Variants in ERP44 observed in about 807,000 individuals in gnomAD.
ERP44 encodes endoplasmic reticulum resident protein 44.
A neutral mutation model predicts 53.4 loss-of-function variants in ERP44; 25 were observed. The observed-to-expected ratio is 0.47, with a 90% CI of 0.34 to 0.65. The LOEUF is 0.65. ERP44 is among the 30% of genes least tolerant of loss of function. The probability of loss-of-function intolerance (pLI) is 0.01; values close to 1 mark genes in which losing one functional copy is unlikely to be tolerated. For synonymous variants in ERP44, 145 were observed against 161.2 expected, an observed-to-expected ratio of 0.90 and a Z score of 0.76; for missense variants, 338 against 493.2, an observed-to-expected ratio of 0.69 and a Z score of 2.98.
Position 100,068,780 on chromosome 9 carries a change from C to T in ERP44, c.58-8608G>A, listed in dbSNP as rs1004852111. On this transcript the variant is annotated intron_variant, in intron 1 of 11. Coordinates refer to ENST00000262455, the MANE Select transcript of ERP44 (RefSeq NM_015051.3). ...CCCTCTGCCCGGCCAGCCGCCCCGT[C>T]TGGGAGGTGTACCCAACAGCTCACT... 1.2e-3 allele frequency among the ~76,000 whole-genome samples: 189 copies of T among 152,218 alleles called. 1 individual carries two copies. Among genetic ancestry groups the T allele is most frequent in the African/African-American group, 4.4e-3 (182 of 41,538 alleles).
intron 3 of ERP44, among the ~76,000 whole-genome samples, chr9:100,054,080 A>G (rs989198978): frequency 1.3e-5 from 2 of 152,244 alleles, no homozygotes; most frequent in African/African-American, 4.8e-5. Context: ...AAGGAGACAC[A>G]TCTGTATCTT....
chr9:100,058,846 G>C (rs889852020), intron 2 of ERP44, among the ~76,000 whole-genome samples: 4 of 152,194 alleles, frequency 2.6e-5, no homozygotes, highest in African/African-American at 9.7e-5. Context: ...AATGACATGT[G>C]AGTTTCAATT....
intron 1 of ERP44, among the ~76,000 whole-genome samples, chr9:100,074,917 T>C (rs1438643088): frequency 3.9e-5 from 6 of 152,174 alleles, no homozygotes; most frequent in Non-Finnish European, 8.8e-5. Flanking sequence ...GGTGCCAGAA[T>C]GCCTAATTGG....
At chr9:100,098,386 C>A (rs1419063136) in intron 1 of ERP44, among the ~76,000 whole-genome samples, 1 of 152,122 alleles carries the variant, frequency 6.6e-6, no homozygotes, top group East Asian at 1.9e-4. Context: ...TCACACAACC[C>A]CAGCACCTGT....
In ERP44 at chr9:100,043,291, A is replaced by AAAAAAAAAAAAAAAAAG. The variant is rs1168903331; in HGVS notation, c.286+9125_286+9126insCTTTTTTTTTTTTTTTT. Among the ~76,000 whole-genome samples the AAAAAAAAAAAAAAAAAG allele has an allele frequency of 1.5e-3, 112 of 74,926 alleles. 35 individuals are homozygous for AAAAAAAAAAAAAAAAAG. The highest frequency in any genetic ancestry group is 3.4e-3 in the East Asian group (6 of 1,780). 49.2% of individuals were successfully genotyped at this position (74,926 alleles called of 152,430 possible). ...AAAAAAAAAAAAAAAAAAAAAAAAA[A>AAAAAAAAAAAAAAAAAG]GATAAATAAGACATAGTATTTGCTA... On this transcript the variant is annotated intron_variant, in intron 4 of 11. Coordinates refer to ENST00000262455, the MANE Select transcript of ERP44 (RefSeq NM_015051.3).
At chr9:100,008,770 C>T (rs1830443380) in intron 8 of ERP44, among the ~76,000 whole-genome samples, 1 of 152,014 alleles carries the variant, frequency 6.6e-6, no homozygotes, top group East Asian at 1.9e-4. Context: ...TAAATTTCAC[C>T]ATTGTTTTTT....
rs189231173 is a variant in ERP44, at chr9:100,022,405, A to C, written c.287-179T>G. ...TTGAGTTTACATTATTTAAGAGACC[A>C]GGTTCTGGACTGGGTTTAAATCCTA... is the stretch of plus-strand genomic sequence containing the variant. On this transcript the variant is annotated intron_variant, in intron 4 of 11. Transcript: ENST00000262455. Among the ~76,000 whole-genome samples, 168 of 152,312 alleles carry C rather than the reference A, an allele frequency of 1.1e-3. 1 individual carries two copies. The highest frequency in any genetic ancestry group is 1.8e-3 in the Non-Finnish European group (125 of 68,022).
At chr9:100,078,975 A>G (rs1826389628) in intron 1 of ERP44, among the ~76,000 whole-genome samples, 2 of 152,134 alleles carry the variant, frequency 1.3e-5, no homozygotes, top group Admixed American at 1.3e-4. Context: ...ATTATGTATG[A>G]TCTCAGGAGA....
chr9:100,071,093 G>A (rs1220141425), intron 1 of ERP44, among the ~76,000 whole-genome samples: 1 of 119,584 alleles, frequency 8.4e-6, no homozygotes, highest in Non-Finnish European at 1.6e-5. Flanking sequence ...ATTATATAAG[G>A]TTTTTTTTTT....
At chr9:100,028,369 C>G (rs1830675976) in intron 4 of ERP44, among the ~76,000 whole-genome samples, 1 of 152,196 alleles carries the variant, frequency 6.6e-6, no homozygotes, top group Non-Finnish European at 1.5e-5. Flanking sequence ...AGGCAGCAAG[C>G]ATGACCACCA....
chr9:100,025,590 G>T (rs1830642786), intron 4 of ERP44, among the ~76,000 whole-genome samples: 1 of 151,886 alleles, frequency 6.6e-6, no homozygotes, highest in African/African-American at 2.4e-5. Flanking sequence ...AACACTCTTA[G>T]CAAACTAGGA....
At chr9:99,993,340 G>C (rs1425791907) in intron 10 of ERP44, among the ~76,000 whole-genome samples, 1 of 152,062 alleles carries the variant, frequency 6.6e-6, no homozygotes, top group Non-Finnish European at 1.5e-5. Flanking sequence ...CAGAACAGAG[G>C]CCTCAGAAAT....
At chr9:100,046,321 C>CAAA (rs1564097052) in intron 4 of ERP44, among the ~76,000 whole-genome samples, 3 of 151,818 alleles carry the variant, frequency 2.0e-5, no homozygotes, top group Non-Finnish European at 4.4e-5. Context: ...TACTCTAGAA[C>CAAA]AACAACAACA....
chr9:99,999,913 G>A (rs766031424), intron 10 of ERP44, among the ~76,000 whole-genome samples: 3 of 152,000 alleles, frequency 2.0e-5, no homozygotes, highest in Non-Finnish European at 4.4e-5. Flanking sequence ...GTTTCCCCCC[G>A]CTTTTTCCAG....
At chr9:100,033,416 G>A (rs1825815681) in intron 4 of ERP44, among the ~76,000 whole-genome samples, 1 of 152,172 alleles carries the variant, frequency 6.6e-6, no homozygotes, top group South Asian at 2.1e-4. Context: ...GACCTCAAGA[G>A]GAAAGGAATT....
chr9:100,065,519 T>C (rs1826201968), intron 1 of ERP44, among the ~76,000 whole-genome samples: 2 of 152,218 alleles, frequency 1.3e-5, no homozygotes, highest in African/African-American at 2.4e-5. Flanking sequence ...GTGACAGATA[T>C]GGTAATTAGC....
At chr9:100,015,871 A>G (rs1300547447) in intron 8 of ERP44, among the ~76,000 whole-genome samples, 1 of 152,010 alleles carries the variant, frequency 6.6e-6, no homozygotes, top group Non-Finnish European at 1.5e-5. Flanking sequence ...CAGGGTTCAC[A>G]TTCGTATGAC....
intron 1 of ERP44, among the ~76,000 whole-genome samples, chr9:100,065,207 T>C (rs183442890): frequency 1.6e-4 from 24 of 152,326 alleles, no homozygotes; most frequent in African/African-American, 5.5e-4. Flanking sequence ...CTGTGTCTTT[T>C]CTACGTTTAG....
chr9:100,052,388 T>C (rs1195573436), intron 4 of ERP44, 29 bp downstream of exon 4: 2 of 1,226,724 alleles, frequency 1.6e-6, no homozygotes, highest in Non-Finnish European at 2.3e-6. Context: ...TGGGACAGTC[T>C]CTTCTAGACT....
Sources: allele counts gnomAD v4.1 joint callset (sites outside exome capture counted in the v4.1 genomes callset), GRCh38; gene constraint gnomAD v4.1.1; transcripts MANE v1.5; gene names NCBI Gene and HGNC (gene_info 2026-07-23, HGNC 2026-07-21).